Variants in FAM98A observed in about 807,000 individuals in gnomAD.
FAM98A encodes tRNA splicing ligase complex subunit 3A.
A neutral mutation model predicts 62.9 loss-of-function variants in FAM98A; 25 were observed. That is an observed-to-expected ratio of 0.40 (90% CI 0.29 to 0.56). The LOEUF is 0.56. Among genes scored for constraint, FAM98A ranks in the 20% least tolerant of loss-of-function variants. The pLI is 0.51. For missense variants in FAM98A, 653 were observed against 640.7 expected, an observed-to-expected ratio of 1.02 and a Z score of -0.21; for synonymous variants, 252 against 228.6, an observed-to-expected ratio of 1.10 and a Z score of -0.92.
At chr2:33,588,283 A>T in intron 4 of FAM98A, 52 bp downstream of exon 4, 11 of 1,355,168 alleles carry the variant, frequency 8.1e-6, no homozygotes, top group Non-Finnish European at 1.1e-5. Context: ...CATTTCAAAC[A>T]AATGTAGGAC....
rs555788607 is a variant in FAM98A at position 33,584,865 on chromosome 2, G to C, written c.1468C>G (p.Gln490Glu). 2 of 1,614,042 alleles carry C rather than the reference G, an allele frequency of 1.2e-6. No homozygotes were observed. The highest frequency in any genetic ancestry group is 2.2e-5 in the East Asian group (1 of 44,876). ...WGGRGSQNYH[Q>E]GGQFEQHFQH... is the part of the protein sequence containing the mutation. ...AAATGCTGTTCAAATTGACCCCCTT[G>C]GTGATAATTCTGGCTCCCTCTTCCT... The change falls in exon 8 of 8, where the codon CAA becomes GAA. Residue 490 changes from glutamine (Q) to glutamate (E), a missense_variant. Transcript: ENST00000238823.
At position 33,592,148 on chromosome 2, in the gene FAM98A, T is replaced by C; in HGVS notation, c.269A>G (p.Tyr90Cys). The C allele has an allele frequency of 6.2e-7, 1 of 1,613,580 alleles. No individual in the cohort carries two copies. Among genetic ancestry groups the C allele is most frequent in the Non-Finnish European group, 8.5e-7 (1 of 1,179,558 alleles). Residue 90 changes from tyrosine to cysteine, a missense_variant, in exon 3 of 8, where the codon TAT (tyrosine) becomes TGT (cysteine). Tyr to Cys is a radical substitution (Grantham distance 194). Coordinates refer to ENST00000238823, the MANE Select transcript of FAM98A (RefSeq NM_015475.5). ...CACATCCCCAGATGTCAGTGAAAGA[T>C]ACGGGCAGTTCATCTCCCCTAGTAG... Reference protein sequence around the residue: ...SGLLGEMNCPYLSLTSGDVTK... With the variant: ...SGLLGEMNCPCLSLTSGDVTK...
chr2:33,595,429 A>G, intron 2 of FAM98A, 60 bp downstream of exon 2: 7 of 1,381,384 alleles, frequency 5.1e-6, no homozygotes, highest in Non-Finnish European at 6.9e-6. Flanking sequence ...GATAATGTTC[A>G]GTTGACAATA....
Position 33,594,600 on chromosome 2 carries a change from CAT to C in FAM98A, c.202+887_202+888del, listed in dbSNP as rs1181938956. ...ATACACACACACACACACACACACA[CAT>C]ACATACACACATATATATATACACA... On this transcript the variant is annotated intron_variant, in intron 2 of 7. Transcript: ENST00000238823. Among the ~76,000 whole-genome samples, 9 of 126,234 alleles carry C rather than the reference CAT, an allele frequency of 7.1e-5. 2 individuals are homozygous for C. The highest frequency in any genetic ancestry group is 4.0e-4 in the Admixed American group (5 of 12,458). 82.8% of individuals were successfully genotyped at this position (126,234 alleles called of 152,430 possible). A position where few individuals can be genotyped will look rare whatever the true frequency, so the allele number is the denominator to read the frequency against.
intron 1 of FAM98A, among the ~76,000 whole-genome samples, chr2:33,598,472 A>C (rs10168254): frequency 0.77 from 116,410 of 152,094 alleles, 45,228 homozygotes; most frequent in African/African-American, 0.86. Flanking sequence ...GGTTGAATAA[A>C]TATCAGGAGA....
Position 33,594,771 on chromosome 2 carries a change from A to G in FAM98A, c.202+718T>C, listed in dbSNP as rs1424322147. ...CTCTTCAAAACGTGATTATGTGGAA[A>G]AAAAGGAATTATATGTATAGCTCTC... On this transcript the variant is annotated intron_variant, in intron 2 of 7. Coordinates refer to ENST00000238823, the MANE Select transcript of FAM98A (RefSeq NM_015475.5). 4.6e-5 allele frequency among the ~76,000 whole-genome samples: 7 copies of G among 151,934 alleles called. No homozygotes were observed. In the East Asian group the frequency reaches 1.3e-3, roughly 29 times the overall value.
chr2:33,585,592 A>G lies in FAM98A; in HGVS notation c.826T>C (p.Ser276Pro). The G allele has an allele frequency of 6.2e-7, 1 of 1,614,208 alleles. No individual in the cohort carries two copies. Among genetic ancestry groups the G allele is most frequent in the Non-Finnish European group, 8.5e-7 (1 of 1,180,040 alleles). The change falls in exon 7 of 8, where the codon TCA becomes CCA. Residue 276 changes from serine to proline, a missense_variant. By Grantham distance (74) the Ser-to-Pro change is moderately conservative. Coordinates refer to ENST00000238823, the MANE Select transcript of FAM98A (RefSeq NM_015475.5). Reference sequence around the variant, plus strand: ...CCGCTGCTTGTCCTTAAAATCTTTGACAAGTCCTGCCTTGCAGCCAAAAGA... The same window carrying G: ...CCGCTGCTTGTCCTTAAAATCTTTGGCAAGTCCTGCCTTGCAGCCAAAAGA... ...AHLLAARQDL[S>P]KILRTSSGSI...
intron 2 of FAM98A, 21 bp from the exon 3 acceptor site, chr2:33,592,235 C>G: frequency 6.4e-7 from 1 of 1,571,748 alleles, no homozygotes; most frequent in Non-Finnish European, 8.7e-7. Context: ...TTAAAATAAT[C>G]TTATTTAATG....
At chr2:33,588,146 G>A (rs745966003) in intron 4 of FAM98A, 189 bp downstream of exon 4, 5 of 600,076 alleles carry the variant, frequency 8.3e-6, no homozygotes, top group East Asian at 3.0e-5. Context: ...ATGTTTTTAG[G>A]AAAATACTAA....
At chr2:33,586,869 A>T (rs3213961) in intron 5 of FAM98A, 191 bp from the exon 6 acceptor site, 100,995 of 581,924 alleles carry the variant, frequency 0.17, 10,028 homozygotes, top group African/African-American at 0.36. Context: ...ACAAAACATA[A>T]TGAAGAGTAT....
chr2:33,594,971 A>G (rs936982094), intron 2 of FAM98A, among the ~76,000 whole-genome samples: 2 of 152,220 alleles, frequency 1.3e-5, no homozygotes, highest in Non-Finnish European at 2.9e-5. Flanking sequence ...CAGCTCTCAG[A>G]TCCATAAATT....
intron 2 of FAM98A, among the ~76,000 whole-genome samples, chr2:33,593,892 T>A (rs990031366): frequency 6.6e-6 from 1 of 152,206 alleles, no homozygotes; most frequent in African/African-American, 2.4e-5. Flanking sequence ...CCAGGTTAAA[T>A]AGAGGTATCA....
chr2:33,586,936 C>G, intron 5 of FAM98A: 1 of 521,858 alleles, frequency 1.9e-6, no homozygotes, highest in Non-Finnish European at 3.4e-6. Flanking sequence ...AAGCTCAGCC[C>G]AGTGAAGTTT....
intron 2 of FAM98A, 56 bp downstream of exon 2, chr2:33,595,433 G>A (rs1572420244): frequency 6.9e-7 from 1 of 1,439,942 alleles, no homozygotes; most frequent in East Asian, 2.6e-5. Flanking sequence ...ATGTTCAGTT[G>A]ACAATACCTC....
rs766672896 is a variant in FAM98A, at chr2:33,584,977, CCCG to C, written c.1353_1355del (p.Gly452del). ...GACCACCACCACGATCACCATGGTG[CCCG>C]CCATCTTGGTATCTATTGTCCTGCT... On this transcript the variant is annotated inframe_deletion, in exon 8 of 8. Coordinates refer to ENST00000238823, the MANE Select transcript of FAM98A (RefSeq NM_015475.5). 20 of 1,614,040 alleles carry C rather than the reference CCCG, an allele frequency of 1.2e-5. No homozygotes were observed. The East Asian group carries it at 2.5e-4, about 20-fold the overall frequency.
At position 33,585,080 on chromosome 2, in the gene FAM98A, T is replaced by C. The variant is rs377014646; in HGVS notation, c.1253A>G (p.Tyr418Cys). The change falls in exon 8 of 8, where the codon TAT becomes TGT. Residue 418 changes from tyrosine (Y) to cysteine (C), a missense_variant. Coordinates refer to ENST00000238823, the MANE Select transcript of FAM98A (RefSeq NM_015475.5). The stretch of plus-strand genomic sequence containing the variant: ...GAAGCCACCATAACCTCCGCCTTGA[T>C]AGCCACCACTGCTGTGGCCACCATG... Reference protein sequence around the residue: ...GYHGGHSSGGYQGGGYGGFQT... With the variant: ...GYHGGHSSGGCQGGGYGGFQT... 4 of 1,614,184 alleles carry C rather than the reference T, an allele frequency of 2.5e-6. No homozygotes were observed. Among genetic ancestry groups the C allele is most frequent in the South Asian group, 2.2e-5 (2 of 91,082 alleles).
Position 33,586,694 on chromosome 2 carries a change from A to C in FAM98A, c.604-16T>G, listed in dbSNP as rs1389263876. On this transcript the variant is annotated splice_polypyrimidine_tract_variant and intron_variant, in intron 5 of 7. Transcript: ENST00000238823. ...CTATCTTTTCCTGAAGCAAAATTAAAAAGACTAGTTAGAGTTTAAATCTGC... is the reference window on the plus strand; with the variant it reads ...CTATCTTTTCCTGAAGCAAAATTAACAAGACTAGTTAGAGTTTAAATCTGC... 4.6e-6 allele frequency: 7 copies of C among 1,517,500 alleles called. No homozygotes were observed. The highest frequency in any genetic ancestry group is 6.4e-6 in the Non-Finnish European group (7 of 1,092,652). The allele number at this position is 1,517,500 out of a possible 1,614,324, so 94.0% of individuals were successfully genotyped here. A position where few individuals can be genotyped will look rare whatever the true frequency, so the allele number is the denominator to read the frequency against.
intron 1 of FAM98A, among the ~76,000 whole-genome samples, chr2:33,597,672 C>T (rs1677844115): frequency 6.6e-6 from 1 of 152,216 alleles, no homozygotes; most frequent in Non-Finnish European, 1.5e-5. Context: ...AGAAAGACTA[C>T]ATTTAATAAG....
chr2:33,594,840 T>C (rs1677771067), intron 2 of FAM98A, among the ~76,000 whole-genome samples: 2 of 152,096 alleles, frequency 1.3e-5, no homozygotes, highest in South Asian at 4.1e-4. Flanking sequence ...TGGTCTCCTA[T>C]TATAGGTTTA....
Sources: allele counts gnomAD v4.1 joint callset (sites outside exome capture counted in the v4.1 genomes callset), GRCh38; gene constraint gnomAD v4.1.1; transcripts MANE v1.5; gene names NCBI Gene and HGNC (gene_info 2026-07-23, HGNC 2026-07-21).